UST: variants seen among roughly 807,000 people sequenced by gnomAD.
The protein encoded by UST is chondroitin sulfate 2-O-sulfotransferase.
UST carries 21 observed loss-of-function variants against 45.6 expected under a neutral mutation model. The observed-to-expected ratio is 0.46, with a 90% CI of 0.33 to 0.66. The LOEUF (loss-of-function observed/expected upper bound fraction) is 0.66, where lower values mean the gene tolerates loss of function less well. UST is among the 30% of genes least tolerant of loss of function. UST has a pLI of 0.02. For missense variants in UST, 463 were observed against 512.4 expected (o/e 0.90, Z 0.93); for synonymous variants, 215 against 200.6 (o/e 1.07, Z -0.61).
At chr6:148,807,113 G>A (rs184109751) in intron 1 of UST, among the ~76,000 whole-genome samples, 9 of 152,260 alleles carry the variant, frequency 5.9e-5, no homozygotes, top group Non-Finnish European at 1.2e-4. Context: ...TGGAGCGAAG[G>A]AAAAATCCCC....
chr6:148,858,638 C>T (rs562611129), intron 1 of UST, among the ~76,000 whole-genome samples: 8 of 152,136 alleles, frequency 5.3e-5, no homozygotes, highest in African/African-American at 1.9e-4. Context: ...CTAATGCTAT[C>T]CCTCCCCCCT....
chr6:148,887,042 C>T lies in UST; in HGVS notation c.291+13C>T, dbSNP rs2114843888. 1 of 1,608,114 alleles carries T rather than the reference C, an allele frequency of 6.2e-7. No homozygotes were observed. The highest frequency in any genetic ancestry group is 8.5e-7 in the Non-Finnish European group (1 of 1,175,778). On this transcript the variant is annotated intron_variant, in intron 2 of 7. Transcript: ENST00000367463. ...ACCTCCTAGTAAGGTAAGATCTTTG[C>T]TTGTGATATAAGTCCCCTTTTTCTT... is the stretch of plus-strand genomic sequence containing the variant.
chr6:148,973,388 T>A (rs1296062906), intron 5 of UST, among the ~76,000 whole-genome samples: 1 of 152,252 alleles, frequency 6.6e-6, no homozygotes, highest in Admixed American at 6.5e-5. Flanking sequence ...GACGAGGCAC[T>A]TGGAGTCCAT....
chr6:149,017,233 C>G (rs180741365), intron 5 of UST, among the ~76,000 whole-genome samples: 1 of 151,954 alleles, frequency 6.6e-6, no homozygotes, highest in Non-Finnish European at 1.5e-5. Context: ...AAAAATTAGC[C>G]GGGTGTGGTG....
chr6:148,828,174 G>A (rs12208689), intron 1 of UST, among the ~76,000 whole-genome samples: 4 of 151,760 alleles, frequency 2.6e-5, no homozygotes, highest in East Asian at 1.9e-4. Context: ...GTCAAATTAC[G>A]TATTTGTTCA....
At chr6:148,966,138 C>T (rs1780791937) in intron 5 of UST, among the ~76,000 whole-genome samples, 1 of 151,838 alleles carries the variant, frequency 6.6e-6, no homozygotes, top group Non-Finnish European at 1.5e-5. Flanking sequence ...GCAGGAGAAT[C>T]CTTTGAATCC....
intron 1 of UST, among the ~76,000 whole-genome samples, chr6:148,871,517 A>C (rs1778560132): frequency 6.6e-6 from 1 of 152,198 alleles, no homozygotes; most frequent in South Asian, 2.1e-4. Flanking sequence ...ATTGCTGCAC[A>C]GGCCTGGTCT....
intron 5 of UST, among the ~76,000 whole-genome samples, chr6:149,017,795 T>TACAC (rs1300956547): frequency 1.8e-4 from 9 of 51,138 alleles, no homozygotes; most frequent in African/African-American, 7.2e-4. Context: ...TGAATATCCA[T>TACAC]ATATACACAC....
intron 5 of UST, among the ~76,000 whole-genome samples, chr6:148,966,899 G>A (rs1346948965): frequency 6.6e-6 from 1 of 152,090 alleles, no homozygotes; most frequent in Non-Finnish European, 1.5e-5. Context: ...ACCACGCCTG[G>A]TTAATTTTTG....
At chr6:148,805,577 T>C (rs1777132141) in intron 1 of UST, among the ~76,000 whole-genome samples, 1 of 152,234 alleles carries the variant, frequency 6.6e-6, no homozygotes, top group South Asian at 2.1e-4. Context: ...ATGGTGAGGA[T>C]TTCTGGAATA....
chr6:148,944,758 A>G (rs1042354592), intron 3 of UST, among the ~76,000 whole-genome samples: 3 of 152,224 alleles, frequency 2.0e-5, no homozygotes, highest in African/African-American at 7.2e-5. Context: ...CAAGTGTTGG[A>G]CTTTCGCACA....
chr6:148,984,021 A>G (rs767366854), intron 5 of UST, among the ~76,000 whole-genome samples: 5 of 152,166 alleles, frequency 3.3e-5, no homozygotes, highest in Admixed American at 6.5e-5. Context: ...CTTTAACTAT[A>G]AATAAACCCG....
At chr6:148,822,683 A>G (rs535117509) in intron 1 of UST, among the ~76,000 whole-genome samples, 1 of 152,330 alleles carries the variant, frequency 6.6e-6, no homozygotes, top group Admixed American at 6.5e-5. Context: ...CCATTTCTTC[A>G]ATGATACAAA....
intron 5 of UST, among the ~76,000 whole-genome samples, chr6:148,984,300 G>T (rs936498535): frequency 5.8e-4 from 88 of 152,278 alleles, no homozygotes; most frequent in African/African-American, 2.1e-3. Context: ...AACAAGTATT[G>T]GGAGAGATGA....
intron 1 of UST, among the ~76,000 whole-genome samples, chr6:148,760,943 CCT>C (rs1196571013): frequency 6.6e-6 from 1 of 152,220 alleles, no homozygotes; most frequent in Non-Finnish European, 1.5e-5. Flanking sequence ...TAGCCCCCTT[CCT>C]CTGTCTACAT....
intron 1 of UST, among the ~76,000 whole-genome samples, chr6:148,885,401 A>C (rs1778894912): frequency 6.6e-6 from 1 of 152,200 alleles, no homozygotes; most frequent in Admixed American, 6.5e-5. Context: ...TCTTTGACTC[A>C]TATAACCTCT....
intron 7 of UST, among the ~76,000 whole-genome samples, chr6:149,065,508 T>G (rs532197275): frequency 2.8e-4 from 42 of 152,306 alleles, no homozygotes; most frequent in African/African-American, 9.6e-4. Flanking sequence ...GGTGATAGTT[T>G]TCTACAGGCT....
At chr6:148,844,522 T>C (rs1193796282) in intron 1 of UST, among the ~76,000 whole-genome samples, 1 of 152,224 alleles carries the variant, frequency 6.6e-6, no homozygotes, top group Non-Finnish European at 1.5e-5. Flanking sequence ...ATGTAGAACA[T>C]GTCCACTGAT....
At chr6:148,912,680 G>T (rs950536094) in intron 2 of UST, among the ~76,000 whole-genome samples, 1 of 152,234 alleles carries the variant, frequency 6.6e-6, no homozygotes, top group African/African-American at 2.4e-5. Flanking sequence ...GGAGTTGTCA[G>T]GTGTGGTAGA....
Sources: gnomAD v4.1 joint callset for allele counts (sites outside exome capture counted in the v4.1 genomes callset) on GRCh38, gnomAD v4.1.1 for gene constraint, MANE v1.5 for transcripts, NCBI Gene and HGNC (gene_info 2026-07-23, HGNC 2026-07-21) for gene names.